Variants in IFT140 observed in about 807,000 individuals in gnomAD.
IFT140 encodes the protein intraflagellar transport 140, also known as intraflagellar transport protein 140 homolog.
A neutral mutation model predicts 164.6 loss-of-function variants in IFT140; 133 were observed. The observed-to-expected ratio is 0.81, with a 90% CI of 0.70 to 0.93. The LOEUF (loss-of-function observed/expected upper bound fraction) is 0.93. Ranked by LOEUF, IFT140 falls within the 40% of genes least tolerant of loss-of-function variation. IFT140 has a pLI of 0.00. For missense variants in IFT140, 2,045 were observed against 1,972.3 expected, an observed-to-expected ratio of 1.04 and a Z score of -0.70; for synonymous variants, 860 against 817.3, an observed-to-expected ratio of 1.05 and a Z score of -0.89.
intron 14 of IFT140, among the ~76,000 whole-genome samples, chr16:1,570,591 G>A (rs1046683704): frequency 5.3e-5 from 8 of 152,156 alleles, no homozygotes; most frequent in African/African-American, 1.9e-4. Context: ...CCGAGCTCCT[G>A]TGCAGTTCCT....
Position 1,589,793 on chromosome 16 carries a change from G to A in IFT140, c.635-13C>T, listed in dbSNP as rs771321321. 1.2e-5 allele frequency: 20 copies of A among 1,606,278 alleles called. No individual in the cohort carries two copies. Among genetic ancestry groups the A allele is most frequent in the Admixed American group, 3.3e-5 (2 of 59,892 alleles). On this transcript the variant is annotated splice_polypyrimidine_tract_variant and intron_variant, in intron 6 of 30. Coordinates refer to ENST00000426508, the MANE Select transcript of IFT140 (RefSeq NM_014714.4). ...TAGTGCACTGTCCCTGGGGACAAAC[G>A]TGGGGTCACTACATGAGGAGGCCCT...
intron 15 of IFT140, among the ~76,000 whole-genome samples, chr16:1,567,351 C>T (rs1020113626): frequency 2.0e-5 from 3 of 152,234 alleles, no homozygotes; most frequent in African/African-American, 7.2e-5. Context: ...CCCTTCACCA[C>T]GAGTGCAGAC....
intron 13 of IFT140, among the ~76,000 whole-genome samples, chr16:1,572,015 C>G (rs754605746): frequency 6.6e-6 from 1 of 152,108 alleles, no homozygotes; most frequent in African/African-American, 2.4e-5. Flanking sequence ...GAATGGTTAC[C>G]CTGGGTGAGG....
chr16:1,595,729 A>G (rs1240681320), intron 4 of IFT140, among the ~76,000 whole-genome samples: 1 of 152,072 alleles, frequency 6.6e-6, no homozygotes, highest in Non-Finnish European at 1.5e-5. Context: ...ATGATTCTTG[A>G]CTCTAACAGC....
chr16:1,512,469 C>A (rs1208727574), intron 30 of IFT140, among the ~76,000 whole-genome samples: 1 of 152,098 alleles, frequency 6.6e-6, no homozygotes, highest in Non-Finnish European at 1.5e-5. Context: ...TTCCCAGTTT[C>A]TTTTTTCTTT....
At chr16:1,598,805 G>A (rs1270491090) in intron 4 of IFT140, among the ~76,000 whole-genome samples, 1 of 152,222 alleles carries the variant, frequency 6.6e-6, no homozygotes, top group Non-Finnish European at 1.5e-5. Flanking sequence ...CTCCCAAAGT[G>A]CCGAGATTGC....
chr16:1,515,196 G>C (rs1434888165), intron 30 of IFT140, among the ~76,000 whole-genome samples: 1 of 152,002 alleles, frequency 6.6e-6, no homozygotes, highest in African/African-American at 2.4e-5. Flanking sequence ...CAAAAGCCCA[G>C]GATAAATACA....
At chr16:1,527,770 G>A (rs1332726709) in intron 19 of IFT140, among the ~76,000 whole-genome samples, 3 of 152,108 alleles carry the variant, frequency 2.0e-5, no homozygotes, top group Non-Finnish European at 2.9e-5. Flanking sequence ...ACAGGGTTTC[G>A]CCATGTTACC....
intron 6 of IFT140, 151 bp downstream of exon 6, chr16:1,592,025 G>A (rs116859784): frequency 0.019 from 15,019 of 796,502 alleles, 186 homozygotes; most frequent in Non-Finnish European, 0.024. Flanking sequence ...GAGTGGCTGC[G>A]GCACTCCGCC....
chr16:1,575,440 A>G (rs2034226551), intron 13 of IFT140, among the ~76,000 whole-genome samples: 1 of 151,920 alleles, frequency 6.6e-6, no homozygotes, highest in African/African-American at 2.4e-5. Flanking sequence ...CTATGGTCCC[A>G]CGCTCAGGAG....
rs1354876525 is a variant in IFT140 at position 1,523,640 on chromosome 16, G to A, written c.3331C>T (p.Gln1111Ter). Reference protein sequence around the residue: ...AFATQQFVALQLIAEDLDETS... With the variant: ...AFATQQFVAL ...TCATCCAGGTCCTCTGCTATGAGCTGTAGGGCCACAAACTGCTGGGTGGCA... is the reference window on the plus strand; with the variant it reads ...TCATCCAGGTCCTCTGCTATGAGCTATAGGGCCACAAACTGCTGGGTGGCA... The change falls in exon 26 of 31, where the codon CAG becomes TAG. Residue 1111 changes from glutamine to a stop codon, truncating the protein, a stop_gained. Coordinates refer to ENST00000426508, the MANE Select transcript of IFT140 (RefSeq NM_014714.4). LOFTEE classifies it high-confidence loss of function. 3.7e-6 allele frequency: 6 copies of A among 1,613,960 alleles called. No homozygotes were observed.
chr16:1,511,061 G>A lies in IFT140; in HGVS notation c.4272C>T (p.His1424=), dbSNP rs781658694. 2.5e-6 allele frequency: 4 copies of A among 1,608,022 alleles called. No homozygotes were observed. In the South Asian group the frequency reaches 3.3e-5, roughly 13 times the overall value. Residue 1424 remains histidine (H), a synonymous_variant, in exon 31 of 31, where the codon CAC becomes CAT. Coordinates refer to ENST00000426508, the MANE Select transcript of IFT140 (RefSeq NM_014714.4). ...GTGGCAGTGGGAGACCCAGCCCCCG[G>A]TGCACGGCGTCCACGGCCTGCGGGC... ...YVSPQAVDAV[H]RGLGLPLPRT...
Position 1,610,451 on chromosome 16 carries a change from G to C in IFT140, c.-32+213C>G, listed in dbSNP as rs1415299123. 19 of 154,568 alleles carry C rather than the reference G, an allele frequency of 1.2e-4. No individual in the cohort carries two copies. In the Admixed American group the frequency reaches 1.2e-3, roughly 10 times the overall value. 9.6% of individuals were successfully genotyped at this position (154,568 alleles called of 1,614,324 possible). ...CCGCGATTCGAGGCCGGGCGGGGGC[G>C]ACAGCCATAGTCCGACGAGCGACCT... On this transcript the variant is annotated intron_variant, in intron 2 of 30. Coordinates refer to ENST00000426508, the MANE Select transcript of IFT140 (RefSeq NM_014714.4).
chr16:1,583,475 A>G lies in IFT140; in HGVS notation c.1360-89T>C, dbSNP rs1017499177. On this transcript the variant is annotated intron_variant, in intron 11 of 30. Transcript: ENST00000426508. ...ACTGCACACCTCGAAAGCCTCCTCT[A>G]AACACTTCTGAACACTGCTGCTCCA... The G allele has an allele frequency of 6.8e-6, 7 of 1,029,250 alleles. No individual in the cohort carries two copies. In the African/African-American group the frequency reaches 7.8e-5, roughly 12 times the overall value. The allele number at this position is 1,029,250 out of a possible 1,614,324, so 63.8% of individuals were successfully genotyped here.
chr16:1,554,958 A>G, intron 19 of IFT140: 1 of 1,614,114 alleles, frequency 6.2e-7, no homozygotes, highest in Non-Finnish European at 8.5e-7. Context: ...GGTGATTGTC[A>G]TCAGCCGCTC....
chr16:1,539,809 C>T (rs890383728), intron 19 of IFT140, among the ~76,000 whole-genome samples: 1 of 152,202 alleles, frequency 6.6e-6, no homozygotes, highest in African/African-American at 2.4e-5. Flanking sequence ...CCCTTGCCAG[C>T]GGAAGGCTCA....
In IFT140 at chr16:1,607,289, C is replaced by T. The variant is rs776702923; in HGVS notation, c.-23G>A. On this transcript the variant is annotated 5_prime_UTR_variant, in exon 3 of 31. Transcript: ENST00000426508. ...CATGACGGAACTCAGGCCTCCTCAGCGCTGAAACCTGCAGGGAAAAAAAAA... is the reference window on the plus strand; with the variant it reads ...CATGACGGAACTCAGGCCTCCTCAGTGCTGAAACCTGCAGGGAAAAAAAAA... 1.7e-5 allele frequency: 27 copies of T among 1,595,510 alleles called. No homozygotes were observed. The highest frequency in any genetic ancestry group is 2.7e-5 in the African/African-American group (2 of 73,644).
At position 1,553,095 on chromosome 16, in the gene IFT140, A is replaced by G; in HGVS notation, c.2399+4840T>C. 4.1e-6 allele frequency: 4 copies of G among 985,450 alleles called. No homozygotes were observed. Among genetic ancestry groups the G allele is most frequent in the Non-Finnish European group, 4.8e-6 (4 of 829,932 alleles). 61.0% of individuals were successfully genotyped at this position (985,450 alleles called of 1,614,324 possible). A position where few individuals can be genotyped will look rare whatever the true frequency, so the allele number is the denominator to read the frequency against. On this transcript the variant is annotated intron_variant, in intron 19 of 30. Coordinates refer to ENST00000426508, the MANE Select transcript of IFT140 (RefSeq NM_014714.4). The surrounding 1 kb of genome is among the most constrained non-coding windows in gnomAD (Gnocchi z 4.4). ...ATGGAGATAGATAAATGCTTAATTC[A>G]TACTTTCTGGAGGGTACAGTGATGA... is the stretch of plus-strand genomic sequence containing the variant.
At chr16:1,558,723 C>T (rs2033240896) in intron 18 of IFT140, among the ~76,000 whole-genome samples, 1 of 152,256 alleles carries the variant, frequency 6.6e-6, no homozygotes, top group African/African-American at 2.4e-5. Flanking sequence ...AGGGGCTCTG[C>T]ACGCGCTCTC....
Sources: gnomAD v4.1 joint callset for allele counts (sites outside exome capture counted in the v4.1 genomes callset) on GRCh38, gnomAD v4.1.1 for gene constraint, Gnocchi (gnomAD v3.1) non-coding constraint, MANE v1.5 for transcripts, NCBI Gene and HGNC (gene_info 2026-07-23, HGNC 2026-07-21) for gene names.